SCAF4: variants seen among roughly 807,000 people sequenced by gnomAD.
SCAF4 encodes SR-related CTD associated factor 4, also known as SR-related and CTD-associated factor 4.
SCAF4 carries 25 observed loss-of-function variants against 129.8 expected under a neutral mutation model. The observed-to-expected ratio is 0.19, with a 90% CI of 0.14 to 0.27. SCAF4 has a LOEUF of 0.27. Among genes scored for constraint, SCAF4 ranks in the 10% least tolerant of loss-of-function variants. SCAF4 has a pLI of 1.00. For synonymous variants in SCAF4, 551 were observed against 497.7 expected, an observed-to-expected ratio of 1.11 and a Z score of -1.43; for missense variants, 1,246 against 1,457.1, an observed-to-expected ratio of 0.86 and a Z score of 2.36.
intron 16 of SCAF4, among the ~76,000 whole-genome samples, chr21:31,686,236 A>G (rs1601195760): frequency 1.3e-5 from 2 of 151,772 alleles, no homozygotes; most frequent in East Asian, 1.9e-4. Flanking sequence ...AAAAAAGGAA[A>G]GAAAGAAAGA....
intron 1 of SCAF4, among the ~76,000 whole-genome samples, chr21:31,729,481 C>A (rs1156412869): frequency 6.6e-6 from 1 of 152,160 alleles, no homozygotes; most frequent in African/African-American, 2.4e-5. Flanking sequence ...CTTGGTAGCT[C>A]TACAGTATTC....
chr21:31,712,578 G>A (rs1455232050), intron 1 of SCAF4, among the ~76,000 whole-genome samples: 1 of 145,554 alleles, frequency 6.9e-6, no homozygotes, highest in Non-Finnish European at 1.5e-5. Context: ...CCCCAGGCTG[G>A]AGTGCAATGG....
chr21:31,725,264 G>C (rs745361152), intron 1 of SCAF4, among the ~76,000 whole-genome samples: 9 of 151,130 alleles, frequency 6.0e-5, no homozygotes, highest in Admixed American at 5.9e-4. Context: ...TAACACTACA[G>C]GTTAAAAAAA....
chr21:31,687,387 C>T (rs577292488), intron 16 of SCAF4, among the ~76,000 whole-genome samples: 3 of 152,194 alleles, frequency 2.0e-5, no homozygotes, highest in African/African-American at 7.2e-5. Flanking sequence ...GGAATTTGCA[C>T]ATTTACAAAT....
chr21:31,712,972 C>T (rs923860628), intron 1 of SCAF4: 3 of 539,686 alleles, frequency 5.6e-6, no homozygotes, highest in African/African-American at 2.1e-5. Context: ...CACCAATCCC[C>T]GACTTTTGTT....
At chr21:31,712,007 T>C (rs954745610) in intron 1 of SCAF4, among the ~76,000 whole-genome samples, 8 of 152,158 alleles carry the variant, frequency 5.3e-5, no homozygotes, top group African/African-American at 1.9e-4. Flanking sequence ...ACTGATCAAA[T>C]TTCAATTTCT....
rs2051374375 is a variant in SCAF4 at position 31,731,955 on chromosome 21, T to C, written c.-263A>G. On this transcript the variant is annotated 5_prime_UTR_variant, in exon 1 of 20. Transcript: ENST00000286835. ...GGCGGCAGCGCTGGTCTTCAACATG[T>C]CCGTTTGGTGGTGGCGGCTGCGCTC... 4.2e-6 allele frequency: 2 copies of C among 480,898 alleles called. No individual in the cohort carries two copies. The highest frequency in any genetic ancestry group is 3.6e-6 in the Non-Finnish European group (1 of 277,730). 29.8% of individuals were successfully genotyped at this position (480,898 alleles called of 1,614,324 possible). A position where few individuals can be genotyped will look rare whatever the true frequency, so the allele number is the denominator to read the frequency against.
At chr21:31,713,745 C>CG (rs1209369473) in intron 1 of SCAF4, among the ~76,000 whole-genome samples, 5 of 19,802 alleles carry the variant, frequency 2.5e-4, no homozygotes, top group South Asian at 2.8e-3. Flanking sequence ...CAAACCGGAG[C>CG]GGGGGTGGGG....
intron 13 of SCAF4, 171 bp downstream of exon 13, chr21:31,692,178 T>C: frequency 3.4e-6 from 2 of 594,470 alleles, no homozygotes; most frequent in Non-Finnish European, 3.0e-6. Context: ...ATACAAAGAA[T>C]TCTAAGAAAT....
chr21:31,715,469 A>G (rs1232039822), intron 1 of SCAF4, among the ~76,000 whole-genome samples: 1 of 152,144 alleles, frequency 6.6e-6, no homozygotes, highest in Non-Finnish European at 1.5e-5. Context: ...AGGGGGCATT[A>G]TTTATTACCT....
At position 31,671,768 on chromosome 21, in the gene SCAF4, A is replaced by G. The variant is rs2049704901; in HGVS notation, c.3075T>C (p.Asn1025=). ...RYGNRNDDRD[N]SNRDRREWGR... is the part of the protein sequence containing the mutation. ...CCCACTCTCTCCTGTCACGGTTACT[A>G]TTATCTCTATCATCATTACGGTTCC... The change falls in exon 20 of 20, where the codon AAT becomes AAC. Residue 1025 remains asparagine, a synonymous_variant. Transcript: ENST00000286835. 1.9e-6 allele frequency: 3 copies of G among 1,613,684 alleles called. No individual in the cohort carries two copies. The highest frequency in any genetic ancestry group is 2.5e-6 in the Non-Finnish European group (3 of 1,179,876).
chr21:31,708,437 T>C (rs145453222), intron 1 of SCAF4, among the ~76,000 whole-genome samples: 1,962 of 151,864 alleles, frequency 0.013, 61 homozygotes, highest in African/African-American at 0.045. Context: ...CTTAAAATTA[T>C]ACAAACCAGT....
intron 19 of SCAF4, among the ~76,000 whole-genome samples, chr21:31,677,576 C>T (rs148430992): frequency 4.7e-4 from 71 of 152,300 alleles, no homozygotes; most frequent in Non-Finnish European, 7.8e-4. Context: ...CTTCATTTTG[C>T]TAAATCCAGC....
intron 7 of SCAF4, among the ~76,000 whole-genome samples, chr21:31,697,065 T>C (rs2050405425): frequency 6.6e-6 from 1 of 152,188 alleles, no homozygotes; most frequent in African/African-American, 2.4e-5. Context: ...CTCATTTCCC[T>C]AGCCTAAAAA....
At chr21:31,676,334 G>T (rs2049855107) in intron 19 of SCAF4, among the ~76,000 whole-genome samples, 1 of 152,068 alleles carries the variant, frequency 6.6e-6, no homozygotes, top group Admixed American at 6.6e-5. Context: ...ATTCTCTCCA[G>T]ATCTCCTTTC....
chr21:31,683,170 A>G (rs1367974284), intron 19 of SCAF4, among the ~76,000 whole-genome samples: 2 of 152,248 alleles, frequency 1.3e-5, no homozygotes, highest in Non-Finnish European at 2.9e-5. Flanking sequence ...ACAGTCCTGC[A>G]TTGAAAACCA....
rs1307221502 is a variant in SCAF4, at chr21:31,671,123, AAAT to A, written c.*273_*275del. 2.3e-5 allele frequency: 7 copies of A among 299,746 alleles called. No individual in the cohort carries two copies. Among genetic ancestry groups the A allele is most frequent in the East Asian group, 5.9e-5 (1 of 17,094 alleles). The allele number at this position is 299,746 out of a possible 1,614,324, so 18.6% of individuals were successfully genotyped here. ...TGTCTTAAATTAAAAAAAAAAAAAAAAATAGAGAGCACTTCTAATTACGATTTG... is the reference window on the plus strand; with the variant it reads ...TGTCTTAAATTAAAAAAAAAAAAAAAAGAGAGCACTTCTAATTACGATTTG... On this transcript the variant is annotated 3_prime_UTR_variant, in exon 20 of 20. Transcript: ENST00000286835.
Position 31,671,580 on chromosome 21 carries a change from C to G in SCAF4, c.3263G>C (p.Gly1088Ala). Residue 1088 changes from glycine to alanine, a missense_variant, in exon 20 of 20, where the codon GGT becomes GCT. This residue lies in a region of SCAF4 where 339 missense variants were observed against 325.0 expected (regional missense o/e 1.04). Coordinates refer to ENST00000286835, the MANE Select transcript of SCAF4 (RefSeq NM_020706.2). ...KEKPEVTDRA[G>A]GNKTVEPPIS... ...GGGAGGTTCAACGGTTTTGTTACCACCTGCCCTGTCTGTCACCTCAGGCTT... is the reference window on the plus strand; with the variant it reads ...GGGAGGTTCAACGGTTTTGTTACCAGCTGCCCTGTCTGTCACCTCAGGCTT... 1 of 1,614,178 alleles carries G rather than the reference C, an allele frequency of 6.2e-7. No homozygotes were observed. Among genetic ancestry groups the G allele is most frequent in the Non-Finnish European group, 8.5e-7 (1 of 1,180,020 alleles).
intron 1 of SCAF4, 141 bp downstream of exon 1, chr21:31,731,522 C>T: frequency 1.0e-6 from 1 of 987,072 alleles, no homozygotes; most frequent in South Asian, 1.5e-5. Flanking sequence ...ACAGGCCCCG[C>T]TCCGCGCAGG....
Sources: allele counts gnomAD v4.1 joint callset (sites outside exome capture counted in the v4.1 genomes callset), GRCh38; gene constraint gnomAD v4.1.1; regional missense constraint gnomAD v4.1.1; transcripts MANE v1.5; gene names NCBI Gene and HGNC (gene_info 2026-07-23, HGNC 2026-07-21).